The following ERBIN variants were observed in gnomAD, a reference collection of about 807,000 sequenced individuals.
ERBIN encodes erbb2 interacting protein.
In ERBIN, 60 loss-of-function variants were observed where a neutral mutation model predicts 158.4. That is an observed-to-expected ratio of 0.38 (90% confidence interval 0.31 to 0.47). ERBIN has a LOEUF of 0.47. Ranked by LOEUF, ERBIN falls within the 20% of genes least tolerant of loss-of-function variation. The pLI, the probability that ERBIN is intolerant of heterozygous loss-of-function variation, is 0.99. For missense variants in ERBIN, 1,610 were observed against 1,648.0 expected, an observed-to-expected ratio of 0.98 and a Z score of 0.40; for synonymous variants, 594 against 557.2, an observed-to-expected ratio of 1.07 and a Z score of -0.93.
chr5:66,029,811 G>A (rs1437878709), intron 14 of ERBIN, among the ~76,000 whole-genome samples: 4 of 151,924 alleles, frequency 2.6e-5, no homozygotes, highest in South Asian at 2.1e-4. Flanking sequence ...GGATGGTCTC[G>A]ATCTCTTGAC....
At chr5:65,985,944 C>T (rs367807515) in intron 1 of ERBIN, among the ~76,000 whole-genome samples, 47 of 150,938 alleles carry the variant, frequency 3.1e-4, no homozygotes, top group Non-Finnish European at 5.8e-4. Flanking sequence ...TTTTTTTTTC[C>T]GCCTGGCGTT....
At chr5:65,940,004 G>A (rs1233018735) in intron 1 of ERBIN, among the ~76,000 whole-genome samples, 1 of 151,288 alleles carries the variant, frequency 6.6e-6, no homozygotes, top group Non-Finnish European at 1.5e-5. Context: ...CTGCCTGGCC[G>A]CCCATCGTCT....
intron 21 of ERBIN, among the ~76,000 whole-genome samples, chr5:66,063,431 C>CAG (rs1760657604): frequency 6.6e-6 from 1 of 152,182 alleles, no homozygotes; most frequent in Non-Finnish European, 1.5e-5. Context: ...TTCCAGGTGC[C>CAG]ATCTGTCACC....
At chr5:66,073,430 A>G (rs1580548800) in intron 22 of ERBIN, among the ~76,000 whole-genome samples, 1 of 152,314 alleles carries the variant, frequency 6.6e-6, no homozygotes, top group East Asian at 1.9e-4. Context: ...TAGGGCTAAT[A>G]TAGCCCTTCA....
At chr5:65,941,135 C>A (rs1744960204) in intron 1 of ERBIN, among the ~76,000 whole-genome samples, 1 of 151,970 alleles carries the variant, frequency 6.6e-6, no homozygotes, top group African/African-American at 2.4e-5. Flanking sequence ...CATTAAGAGT[C>A]ATCACCACTC....
rs765801889 is a variant in ERBIN at position 66,081,340 on chromosome 5, CTGGATA to C, written c.*2813_*2818del. The stretch of plus-strand genomic sequence containing the variant: ...TAAATATTCTTCTGACCTCTTTGGA[CTGGATA>C]TGAAGATATATATATATACACTTAA... On this transcript the variant is annotated 3_prime_UTR_variant, in exon 26 of 26. Coordinates refer to ENST00000284037, the MANE Select transcript of ERBIN (RefSeq NM_001253697.2). 2 of 151,906 alleles carry C rather than the reference CTGGATA, an allele frequency of 1.3e-5. No homozygotes were observed. The highest frequency in any genetic ancestry group is 2.4e-5 in the African/African-American group (1 of 41,392). The allele number at this position is 151,906 out of a possible 1,614,324, so 9.4% of individuals were successfully genotyped here.
At chr5:66,038,240 T>G in intron 14 of ERBIN, 143 bp from the exon 15 acceptor site, 1 of 450,904 alleles carries the variant, frequency 2.2e-6, no homozygotes, top group Non-Finnish European at 4.1e-6. Context: ...ATGCCTAAAG[T>G]GTTATTGTGT....
At chr5:66,067,398 G>A (rs908141286) in intron 21 of ERBIN, among the ~76,000 whole-genome samples, 7 of 152,178 alleles carry the variant, frequency 4.6e-5, no homozygotes, top group African/African-American at 1.7e-4. Flanking sequence ...AACAAGCCAT[G>A]CTCAAAATGT....
intron 1 of ERBIN, among the ~76,000 whole-genome samples, chr5:65,953,922 C>T (rs188853766): frequency 1.3e-5 from 2 of 152,228 alleles, no homozygotes; most frequent in East Asian, 1.9e-4. Flanking sequence ...AGACCCCCCT[C>T]CCCCAAACAT....
At chr5:65,969,799 G>C (rs1749048871) in intron 1 of ERBIN, among the ~76,000 whole-genome samples, 2 of 152,108 alleles carry the variant, frequency 1.3e-5, no homozygotes, top group Admixed American at 6.5e-5. Context: ...TAGCTTTCTA[G>C]GAACAGTAGT....
rs542576057 is a variant in ERBIN, at chr5:66,008,134, C to A, written c.308-3915C>A. ...TATAATATAAAAAGTATGAAGTATT[C>A]AGGGCCAGGCACGGTGGCTCACACC... On this transcript the variant is annotated intron_variant, in intron 4 of 25. Transcript: ENST00000284037. Among the ~76,000 whole-genome samples the A allele has an allele frequency of 2.0e-5, 3 of 152,222 alleles. No homozygotes were observed. The South Asian group carries it at 6.2e-4, about 32-fold the overall frequency.
chr5:65,973,670 G>A lies in ERBIN; in HGVS notation c.-57-14965G>A, dbSNP rs955177574. ...CATTTAAAATACCACTTAAAGAACC[G>A]AAGAAGTAATTAGTGTCTTGAATTG... On this transcript the variant is annotated intron_variant, in intron 1 of 25. Transcript: ENST00000284037. 5.3e-5 allele frequency among the ~76,000 whole-genome samples: 8 copies of A among 151,206 alleles called. No individual in the cohort carries two copies. In the East Asian group the frequency reaches 5.8e-4, roughly 11 times the overall value.
intron 1 of ERBIN, among the ~76,000 whole-genome samples, chr5:65,928,030 C>A (rs1337941503): frequency 6.6e-6 from 1 of 152,024 alleles, no homozygotes; most frequent in Non-Finnish European, 1.5e-5. Flanking sequence ...TTTAGATTGC[C>A]TATGCTGTCT....
intron 7 of ERBIN, 145 bp downstream of exon 7, chr5:66,014,870 G>T: frequency 2.0e-6 from 1 of 500,420 alleles, no homozygotes; most frequent in Non-Finnish European, 3.5e-6. Flanking sequence ...AATTAATGGT[G>T]TTAAAATATT....
At chr5:66,067,462 G>C (rs1278295346) in intron 21 of ERBIN, among the ~76,000 whole-genome samples, 1 of 152,170 alleles carries the variant, frequency 6.6e-6, no homozygotes, top group African/African-American at 2.4e-5. Context: ...ATGACTAAAG[G>C]CACTCACATG....
chr5:66,011,581 G>A (rs1301420275), intron 4 of ERBIN, among the ~76,000 whole-genome samples: 1 of 152,170 alleles, frequency 6.6e-6, no homozygotes, highest in East Asian at 1.9e-4. Context: ...CAGCTATTCA[G>A]GAGGCTGAGG....
At chr5:65,966,973 A>C (rs914934067) in intron 1 of ERBIN, among the ~76,000 whole-genome samples, 1 of 152,100 alleles carries the variant, frequency 6.6e-6, no homozygotes, top group Non-Finnish European at 1.5e-5. Flanking sequence ...AAAAGCATAT[A>C]AAATAAGGAT....
intron 1 of ERBIN, among the ~76,000 whole-genome samples, chr5:65,943,794 A>G (rs1440155372): frequency 6.6e-6 from 1 of 152,220 alleles, no homozygotes; most frequent in East Asian, 1.9e-4. Flanking sequence ...ACCACTGTTC[A>G]TCTCCAGAAC....
chr5:65,973,447 T>C lies in ERBIN; in HGVS notation c.-57-15188T>C, dbSNP rs377678373. ...AAATTAAAAAAAAGAAATTAGGGCC[T>C]TGTCTCTTCCAGATTAATTTGCATT... On this transcript the variant is annotated intron_variant, in intron 1 of 25. Coordinates refer to ENST00000284037, the MANE Select transcript of ERBIN (RefSeq NM_001253697.2). 2.4e-4 allele frequency among the ~76,000 whole-genome samples: 37 copies of C among 151,120 alleles called. 1 individual carries two copies. The highest frequency in any genetic ancestry group is 8.9e-4 in the African/African-American group (36 of 40,620).
Sources: allele counts gnomAD v4.1 joint callset (sites outside exome capture counted in the v4.1 genomes callset), GRCh38; gene constraint gnomAD v4.1.1; transcripts MANE v1.5; gene names NCBI Gene and HGNC (gene_info 2026-07-23, HGNC 2026-07-21).